IL1RAP: variants seen among roughly 807,000 people sequenced by gnomAD.
IL1RAP encodes the protein interleukin-1 receptor accessory protein.
Under a neutral mutation model 60.7 loss-of-function variants are expected in IL1RAP, and 35 were observed. The observed-to-expected ratio is 0.58, with a 90% CI of 0.44 to 0.76. The LOEUF (loss-of-function observed/expected upper bound fraction) is 0.76. Among genes scored for constraint, IL1RAP ranks in the 30% least tolerant of loss-of-function variants. The pLI is 0.00. For missense variants in IL1RAP, 572 were observed against 693.9 expected (o/e 0.82, Z 1.97); for synonymous variants, 268 against 250.9 (o/e 1.07, Z -0.64).
intron 1 of IL1RAP, among the ~76,000 whole-genome samples, chr3:190,534,877 A>G (rs1723295714): frequency 6.7e-6 from 1 of 149,926 alleles, no homozygotes; most frequent in Non-Finnish European, 1.5e-5. Flanking sequence ...AATTTTCTAG[A>G]TGTCATCCGG....
chr3:190,625,972 G>A (rs892794720), intron 7 of IL1RAP, among the ~76,000 whole-genome samples: 1 of 152,206 alleles, frequency 6.6e-6, no homozygotes, highest in African/African-American at 2.4e-5. Flanking sequence ...GTTGCAATGG[G>A]AGGGTAGATA....
At chr3:190,615,577 T>C (rs1731197267) in intron 5 of IL1RAP, among the ~76,000 whole-genome samples, 2 of 152,256 alleles carry the variant, frequency 1.3e-5, no homozygotes, top group South Asian at 4.1e-4. Context: ...TTATGACAGC[T>C]GCTGAACTAC....
In IL1RAP at chr3:190,649,760, C is replaced by T. The variant is rs781123579; in HGVS notation, c.*1055C>T. On this transcript the variant is annotated 3_prime_UTR_variant, in exon 12 of 12. Transcript: ENST00000447382. ...ATTCTAAGAGAATTAACTGTATTTCCTGTCACCTATTCACTAGTGCAGGAA... is the reference window on the plus strand; with the variant it reads ...ATTCTAAGAGAATTAACTGTATTTCTTGTCACCTATTCACTAGTGCAGGAA... The T allele has an allele frequency of 2.1e-5, 21 of 985,578 alleles. No homozygotes were observed. Among genetic ancestry groups the T allele is most frequent in the Non-Finnish European group, 2.5e-5 (21 of 829,912 alleles). 61.1% of individuals were successfully genotyped at this position (985,578 alleles called of 1,614,324 possible). A position where few individuals can be genotyped will look rare whatever the true frequency, so the allele number is the denominator to read the frequency against.
At chr3:190,542,476 A>G (rs1724020317) in intron 1 of IL1RAP, among the ~76,000 whole-genome samples, 1 of 152,204 alleles carries the variant, frequency 6.6e-6, no homozygotes, top group South Asian at 2.1e-4. Context: ...AGCACTGTGT[A>G]TAGTGTCAAA....
intron 1 of IL1RAP, among the ~76,000 whole-genome samples, chr3:190,551,752 G>GAA (rs1479690634): frequency 2.0e-5 from 3 of 152,054 alleles, no homozygotes; most frequent in African/African-American, 4.8e-5. Context: ...ACAATCTTTT[G>GAA]AAAAGGATTA....
At chr3:190,519,356 G>A (rs1266594039) in intron 1 of IL1RAP, among the ~76,000 whole-genome samples, 1 of 152,126 alleles carries the variant, frequency 6.6e-6, no homozygotes, top group Non-Finnish European at 1.5e-5. Flanking sequence ...ATCGGCACAT[G>A]TACTTTTGTC....
exon 12 of IL1RAP, chr3:190,658,954 A>T (rs6788031): frequency 0.61 from 92,787 of 151,978 alleles, 31,620 homozygotes; most frequent in East Asian, 0.94. Flanking sequence ...TCCTCTATTA[A>T]ATCCCTTCTT....
intron 2 of IL1RAP, among the ~76,000 whole-genome samples, chr3:190,561,184 C>T (rs1577594981): frequency 6.6e-6 from 1 of 152,120 alleles, no homozygotes; most frequent in African/African-American, 2.4e-5. Context: ...GACCCAGCAC[C>T]CTCTCACTCT....
chr3:190,636,691 T>C (rs902375990), intron 9 of IL1RAP, among the ~76,000 whole-genome samples: 1 of 152,122 alleles, frequency 6.6e-6, no homozygotes, highest in Admixed American at 6.5e-5. Flanking sequence ...TATGCTTTTA[T>C]ACTTATACTT....
intron 5 of IL1RAP, among the ~76,000 whole-genome samples, chr3:190,616,610 C>G (rs542010031): frequency 3.9e-5 from 6 of 152,274 alleles, no homozygotes; most frequent in African/African-American, 1.4e-4. Flanking sequence ...ATCTTGAATG[C>G]AAAAACTTCA....
intron 3 of IL1RAP, among the ~76,000 whole-genome samples, chr3:190,578,475 C>A (rs1577644663): frequency 6.6e-6 from 1 of 152,150 alleles, no homozygotes; most frequent in Admixed American, 6.5e-5. Context: ...AAATTAGAAA[C>A]TTTGTAATGG....
intron 1 of IL1RAP, among the ~76,000 whole-genome samples, chr3:190,517,383 A>G (rs937696599): frequency 2.0e-5 from 3 of 152,108 alleles, no homozygotes; most frequent in Non-Finnish European, 4.4e-5. Context: ...GCATTATTCA[A>G]CTTTTTTTTT....
At chr3:190,528,332 A>G (rs1201900732) in intron 1 of IL1RAP, among the ~76,000 whole-genome samples, 1 of 152,194 alleles carries the variant, frequency 6.6e-6, no homozygotes, top group Non-Finnish European at 1.5e-5. Flanking sequence ...ACTGCAGACT[A>G]GGAAGCTGGG....
intron 3 of IL1RAP, among the ~76,000 whole-genome samples, chr3:190,589,529 C>T (rs2108707463): frequency 6.6e-6 from 1 of 152,278 alleles, no homozygotes; most frequent in East Asian, 1.9e-4. Context: ...AGGATTGTCG[C>T]CTGTGTCTCT....
intron 3 of IL1RAP, among the ~76,000 whole-genome samples, chr3:190,577,667 A>T (rs905509929): frequency 6.6e-6 from 1 of 151,976 alleles, no homozygotes; most frequent in Non-Finnish European, 1.5e-5. Context: ...AGTAGCTGGG[A>T]CTATAGGGGC....
At chr3:190,552,479 A>T (rs1207000524) in intron 1 of IL1RAP, among the ~76,000 whole-genome samples, 2 of 152,188 alleles carry the variant, frequency 1.3e-5, no homozygotes, top group Non-Finnish European at 2.9e-5. Context: ...CTGGGCAAGA[A>T]TTTACATTTT....
At position 190,650,787 on chromosome 3, in the gene IL1RAP, G is replaced by C. The variant is rs1487699024; in HGVS notation, c.*2082G>C. On this transcript the variant is annotated 3_prime_UTR_variant, in exon 12 of 12. Coordinates refer to ENST00000447382, the MANE Select transcript of IL1RAP (RefSeq NM_002182.4). Reference sequence around the variant, plus strand: ...TATTAACCCTTCACTTACTAGACCAGAAAAGAACTTATTCCAGATAAGCTT... The same window carrying C: ...TATTAACCCTTCACTTACTAGACCACAAAAGAACTTATTCCAGATAAGCTT... 1 of 984,450 alleles carries C rather than the reference G, an allele frequency of 1.0e-6. No homozygotes were observed. The highest frequency in any genetic ancestry group is 1.2e-6 in the Non-Finnish European group (1 of 829,204). The allele number at this position is 984,450 out of a possible 1,614,324, so 61.0% of individuals were successfully genotyped here.
chr3:190,566,765 C>T (rs965077459), intron 3 of IL1RAP, among the ~76,000 whole-genome samples: 3 of 152,124 alleles, frequency 2.0e-5, no homozygotes, highest in South Asian at 2.1e-4. Context: ...TTGACAAAAA[C>T]GAAAAGAGCA....
chr3:190,531,174 C>T (rs1242099990), intron 1 of IL1RAP, among the ~76,000 whole-genome samples: 2 of 152,050 alleles, frequency 1.3e-5, no homozygotes, highest in African/African-American at 4.8e-5. Context: ...TCCCTTGAGC[C>T]TGGAAGTTTG....
Sources: gnomAD v4.1 joint callset for allele counts (sites outside exome capture counted in the v4.1 genomes callset) on GRCh38, gnomAD v4.1.1 for gene constraint, MANE v1.5 for transcripts, NCBI Gene and HGNC (gene_info 2026-07-23, HGNC 2026-07-21) for gene names.